The following PALLD variants were observed in gnomAD, a reference collection of about 807,000 sequenced individuals.
PALLD encodes palladin.
In PALLD, 61 loss-of-function variants were observed where a neutral mutation model predicts 123.5. That is an observed-to-expected ratio of 0.49 (90% CI 0.40 to 0.61). The LOEUF (loss-of-function observed/expected upper bound fraction) is 0.61. Ranked by LOEUF, PALLD falls within the 20% of genes least tolerant of loss-of-function variation. PALLD has a pLI of 0.00. For synonymous variants in PALLD, 465 were observed against 496.4 expected, an observed-to-expected ratio of 0.94 and a Z score of 0.84; for missense variants, 1,273 against 1,377.0, an observed-to-expected ratio of 0.92 and a Z score of 1.20.
intron 2 of PALLD, among the ~76,000 whole-genome samples, chr4:168,634,629 C>T (rs759555073): frequency 5.3e-5 from 8 of 152,172 alleles, no homozygotes; most frequent in Non-Finnish European, 1.0e-4. Context: ...CACTTGGTAG[C>T]GACTCCCCGT....
intron 8 of PALLD, among the ~76,000 whole-genome samples, chr4:168,706,813 A>G (rs9312352): frequency 0.22 from 33,112 of 152,144 alleles, 4,171 homozygotes; most frequent in African/African-American, 0.34. Flanking sequence ...TAGTTTGATA[A>G]TACTTGGACA....
At chr4:168,595,061 A>G (rs559900545) in intron 2 of PALLD, among the ~76,000 whole-genome samples, 9 of 152,274 alleles carry the variant, frequency 5.9e-5, no homozygotes, top group Middle Eastern at 3.4e-3. Context: ...TCCCAAAGGA[A>G]TGATAAATGA....
At chr4:168,710,880 T>C (rs533301738) in intron 9 of PALLD, among the ~76,000 whole-genome samples, 27 of 152,292 alleles carry the variant, frequency 1.8e-4, no homozygotes, top group Non-Finnish European at 2.9e-4. Context: ...CTGCTATAGG[T>C]CAAACATAAT....
chr4:168,831,868 A>G, intron 10 of PALLD: 1 of 340,896 alleles, frequency 2.9e-6, no homozygotes, highest in Non-Finnish European at 4.2e-6. Context: ...TGCCCCAGGA[A>G]GGGGCCTGCG....
intron 3 of PALLD, 118 bp from the exon 4 acceptor site, chr4:168,681,214 T>C: frequency 1.5e-6 from 1 of 685,022 alleles, no homozygotes; most frequent in South Asian, 1.6e-5. Context: ...TATTTTATTG[T>C]GTGTTTCGGT....
At chr4:168,504,321 C>T (rs1219190489) in intron 1 of PALLD, among the ~76,000 whole-genome samples, 1 of 152,172 alleles carries the variant, frequency 6.6e-6, no homozygotes, top group African/African-American at 2.4e-5. Flanking sequence ...GTTGGCCAGG[C>T]ATGGTGGCTC....
chr4:168,588,250 G>A (rs1771041723), intron 2 of PALLD, among the ~76,000 whole-genome samples: 1 of 152,106 alleles, frequency 6.6e-6, no homozygotes, highest in Non-Finnish European at 1.5e-5. Flanking sequence ...AACACCCTGA[G>A]CTATGAAACT....
intron 2 of PALLD, among the ~76,000 whole-genome samples, chr4:168,556,599 A>G (rs1767331509): frequency 6.6e-6 from 1 of 152,138 alleles, no homozygotes; most frequent in Non-Finnish European, 1.5e-5. Flanking sequence ...AAAAGCTCAA[A>G]CTATCCATCC....
chr4:168,606,663 C>CAAAAAAAAAA (rs70961540), intron 2 of PALLD, among the ~76,000 whole-genome samples: 1 of 92,118 alleles, frequency 1.1e-5, no homozygotes, highest in Non-Finnish European at 2.2e-5. Context: ...GACTCCGTCT[C>CAAAAAAAAAA]AAAAAAAAAA....
chr4:168,911,422 T>C (rs1036681821), intron 15 of PALLD, among the ~76,000 whole-genome samples: 1 of 152,234 alleles, frequency 6.6e-6, no homozygotes, highest in African/African-American at 2.4e-5. Context: ...CATTTCATCA[T>C]GGAAGCCGCA....
chr4:168,826,859 C>A (rs1019793780), intron 10 of PALLD, among the ~76,000 whole-genome samples: 7 of 152,286 alleles, frequency 4.6e-5, no homozygotes, highest in South Asian at 2.1e-4. Context: ...AACAGTGGAA[C>A]TGACCCCACT....
chr4:168,582,823 G>T (rs940571918), intron 2 of PALLD, among the ~76,000 whole-genome samples: 7 of 152,064 alleles, frequency 4.6e-5, no homozygotes, highest in African/African-American at 1.7e-4. Flanking sequence ...AATTTGGTTT[G>T]CTGGTATTTT....
chr4:168,590,599 A>G lies in PALLD; in HGVS notation c.909-77591A>G, dbSNP rs139917590. 1.3e-4 allele frequency among the ~76,000 whole-genome samples: 20 copies of G among 152,288 alleles called. 1 individual carries two copies. The highest frequency in any genetic ancestry group is 4.1e-4 in the African/African-American group (17 of 41,566). Reference sequence around the variant, plus strand: ...TTTAGTGGCTTTTAAGTAGCAGGGCATATGGTTTTGAATTTTGTTTTTCCA... The same window carrying G: ...TTTAGTGGCTTTTAAGTAGCAGGGCGTATGGTTTTGAATTTTGTTTTTCCA... On this transcript the variant is annotated intron_variant, in intron 2 of 21. Transcript: ENST00000505667.
At chr4:168,663,363 G>A (rs1056209253) in intron 2 of PALLD, among the ~76,000 whole-genome samples, 1 of 152,222 alleles carries the variant, frequency 6.6e-6, no homozygotes, top group African/African-American at 2.4e-5. Context: ...CCACAGGAAA[G>A]GGATAGGTGA....
At chr4:168,677,685 AC>A (rs1357164851) in intron 3 of PALLD, among the ~76,000 whole-genome samples, 1 of 151,874 alleles carries the variant, frequency 6.6e-6, no homozygotes, top group African/African-American at 2.4e-5. Flanking sequence ...GTCACCCCCG[AC>A]CTTCTGATCG....
chr4:168,548,092 A>AT (rs1246281689), intron 2 of PALLD, among the ~76,000 whole-genome samples: 1 of 152,310 alleles, frequency 6.6e-6, no homozygotes, highest in Admixed American at 6.5e-5. Context: ...ACAATTAATT[A>AT]TCCAGCATGT....
intron 3 of PALLD, among the ~76,000 whole-genome samples, chr4:168,670,779 AAAAAAAAAAC>A (rs1780175822): frequency 3.6e-5 from 5 of 137,324 alleles, no homozygotes; most frequent in African/African-American, 6.0e-5. Flanking sequence ...AAAAAACAAA[AAAAAAAAAAC>A]AAAAAAAACA....
intron 3 of PALLD, among the ~76,000 whole-genome samples, chr4:168,680,085 C>T (rs1366340291): frequency 2.0e-5 from 3 of 152,104 alleles, no homozygotes; most frequent in Admixed American, 6.6e-5. Flanking sequence ...TATTCTAAAT[C>T]TACTGATAGG....
At chr4:168,650,245 C>A (rs929775527) in intron 2 of PALLD, among the ~76,000 whole-genome samples, 1 of 152,034 alleles carries the variant, frequency 6.6e-6, no homozygotes, top group Non-Finnish European at 1.5e-5. Context: ...AAAATAAATG[C>A]AGAATTTTCC....
Sources: gnomAD v4.1 joint callset for allele counts (sites outside exome capture counted in the v4.1 genomes callset) on GRCh38, gnomAD v4.1.1 for gene constraint, MANE v1.5 for transcripts, NCBI Gene and HGNC (gene_info 2026-07-23, HGNC 2026-07-21) for gene names.